ATXN7: variants seen among roughly 807,000 people sequenced by gnomAD.
The protein encoded by ATXN7 is ataxin 7, also known as ataxin-7.
Under a neutral mutation model 70.5 loss-of-function variants are expected in ATXN7, and 12 were observed. The ratio of observed to expected loss-of-function variants is 0.17; its 90% confidence interval spans 0.11 to 0.28. The LOEUF is 0.28. Ranked by LOEUF, ATXN7 falls within the 10% of genes least tolerant of loss-of-function variation. The pLI, the probability that ATXN7 is intolerant of heterozygous loss-of-function variation, is 1.00. For missense variants in ATXN7, 1,256 were observed against 1,131.7 expected, an observed-to-expected ratio of 1.11 and a Z score of -1.58; for synonymous variants, 498 against 448.7, an observed-to-expected ratio of 1.11 and a Z score of -1.39.
chr3:63,863,743 G>A, upstream of ATXN7: 1 of 1,249,676 alleles, frequency 8.0e-7, no homozygotes, highest in Non-Finnish European at 1.0e-6. Context: ...CCGTGCAGCG[G>A]GCGCGTGTGG....
intron 1 of ATXN7, among the ~76,000 whole-genome samples, chr3:63,882,905 TAAA>T (rs1702958857): frequency 1.3e-5 from 2 of 152,170 alleles, no homozygotes; most frequent in Non-Finnish European, 2.9e-5. Flanking sequence ...AGCCAGTACT[TAAA>T]GAGCTCGTGG....
intron 1 of ATXN7, among the ~76,000 whole-genome samples, chr3:63,867,745 T>A (rs897621887): frequency 1.3e-5 from 2 of 151,770 alleles, no homozygotes; most frequent in South Asian, 4.2e-4. Flanking sequence ...AAAAAAATTA[T>A]CTAGGCGTGG....
At chr3:63,883,519 G>A (rs1702980891) in intron 1 of ATXN7, among the ~76,000 whole-genome samples, 3 of 151,338 alleles carry the variant, frequency 2.0e-5, no homozygotes, top group Non-Finnish European at 4.4e-5. Flanking sequence ...TTTGTGTTCA[G>A]CTGATTCATT....
chr3:63,870,744 A>G (rs1377672941), intron 1 of ATXN7, among the ~76,000 whole-genome samples: 1 of 152,166 alleles, frequency 6.6e-6, no homozygotes, highest in Non-Finnish European at 1.5e-5. Flanking sequence ...AGTAATTAAT[A>G]CTGGCCTCTC....
chr3:63,873,400 C>T (rs1032888302), intron 1 of ATXN7, among the ~76,000 whole-genome samples: 1 of 152,132 alleles, frequency 6.6e-6, no homozygotes, highest in Non-Finnish European at 1.5e-5. Context: ...TCTCAGGATA[C>T]AGGAGGGCCA....
At chr3:63,948,796 G>C (rs757819995) in intron 4 of ATXN7, among the ~76,000 whole-genome samples, 2 of 152,108 alleles carry the variant, frequency 1.3e-5, no homozygotes, top group Non-Finnish European at 2.9e-5. Flanking sequence ...CTAGATGTGG[G>C]TGCTGGCCCA....
At chr3:63,920,693 G>A (rs1704479009) in intron 4 of ATXN7, among the ~76,000 whole-genome samples, 1 of 151,892 alleles carries the variant, frequency 6.6e-6, no homozygotes, top group South Asian at 2.1e-4. Context: ...TGAGGGGGAG[G>A]GGAAGTATCT....
chr3:63,912,010 G>C (rs1223176084), intron 2 of ATXN7: 5 of 152,306 alleles, frequency 3.3e-5, no homozygotes, highest in African/African-American at 1.2e-4. Flanking sequence ...GGGGCTTGAC[G>C]TGCAAACTTC....
intron 4 of ATXN7, among the ~76,000 whole-genome samples, chr3:63,925,947 A>G (rs1477267384): frequency 5.3e-5 from 8 of 152,172 alleles, no homozygotes; most frequent in African/African-American, 1.4e-4. Context: ...AAAGATCACT[A>G]TGGTAGCATT....
rs59256288 is a variant in ATXN7 at position 63,952,835 on chromosome 3, C to CTTT, written c.499+381_499+383dup. 2.8e-3 allele frequency among the ~76,000 whole-genome samples: 140 copies of CTTT among 49,156 alleles called. 30 individuals carry two copies. The highest frequency in any genetic ancestry group is 9.4e-3 in the African/African-American group (92 of 9,806). The allele number at this position is 49,156 out of a possible 152,430, so 32.2% of individuals were successfully genotyped here. A position where few individuals can be genotyped will look rare whatever the true frequency, so the allele number is the denominator to read the frequency against. On this transcript the variant is annotated intron_variant, in intron 5 of 12. Coordinates refer to ENST00000674280, the MANE Select transcript of ATXN7 (RefSeq NM_001377405.1). ...ACACTCACAATATGGATGCATGGGC[C>CTTT]TTTTTTTTTTTTTTTTTTTTTTTTT...
intron 2 of ATXN7, among the ~76,000 whole-genome samples, chr3:63,902,972 G>T (rs950452088): frequency 1.3e-4 from 20 of 151,822 alleles, no homozygotes; most frequent in Non-Finnish European, 2.8e-4. Flanking sequence ...TAAGTTTAAA[G>T]AATTAAAGCA....
upstream of ATXN7, chr3:63,863,750 G>A (rs1702304681): frequency 8.0e-6 from 10 of 1,250,704 alleles, no homozygotes; most frequent in Non-Finnish European, 1.0e-5. Context: ...GCGGGCGCGT[G>A]TGGCGGCGAG....
At chr3:63,880,939 C>CA (rs1702889290) in intron 1 of ATXN7, among the ~76,000 whole-genome samples, 1 of 151,898 alleles carries the variant, frequency 6.6e-6, no homozygotes, top group African/African-American at 2.4e-5. Context: ...TAGATACTTG[C>CA]AAAAAAGGGA....
In ATXN7 at chr3:63,863,948, G is replaced by T; in HGVS notation, c.-321G>T. The T allele has an allele frequency of 1.3e-5, 1 of 75,732 alleles. No individual in the cohort carries two copies. Among genetic ancestry groups the T allele is most frequent in the Non-Finnish European group, 2.7e-5 (1 of 36,440 alleles). 4.7% of individuals were successfully genotyped at this position (75,732 alleles called of 1,614,324 possible). ...TGCTCCGACGCCTGAGCCGCGCCGC[G>T]CCGCGCCGCCGCCGCCGCCGCCGCC... On this transcript the variant is annotated 5_prime_UTR_variant, in exon 1 of 13. Coordinates refer to ENST00000674280, the MANE Select transcript of ATXN7 (RefSeq NM_001377405.1).
intron 7 of ATXN7, 126 bp from the exon 8 acceptor site, chr3:63,982,813 A>T (rs2075512602): frequency 1.4e-6 from 1 of 740,146 alleles, no homozygotes; most frequent in Admixed American, 2.5e-5. Flanking sequence ...TTTTTATTTT[A>T]TTGATAATGT....
At chr3:63,951,740 TAAAAC>T (rs1046876435) in intron 4 of ATXN7, among the ~76,000 whole-genome samples, 23 of 152,320 alleles carry the variant, frequency 1.5e-4, no homozygotes, top group African/African-American at 5.3e-4. Flanking sequence ...GTCTTACTGT[TAAAAC>T]AAACAAACAG....
At chr3:63,991,346 A>C (rs1304276376) in intron 11 of ATXN7, among the ~76,000 whole-genome samples, 1 of 131,494 alleles carries the variant, frequency 7.6e-6, no homozygotes, top group African/African-American at 2.9e-5. Context: ...ACTGAGATAC[A>C]GTGTCATGCA....
At chr3:63,980,592 T>C (rs2075469769) in intron 6 of ATXN7, 1 of 186,424 alleles carries the variant, frequency 5.4e-6, no homozygotes, top group South Asian at 1.1e-4. Context: ...TTCTTAGCTG[T>C]AGGGGTTTGG....
intron 11 of ATXN7, among the ~76,000 whole-genome samples, chr3:63,993,216 C>T (rs1402667849): frequency 6.6e-6 from 1 of 151,634 alleles, no homozygotes; most frequent in East Asian, 1.9e-4. Context: ...GATTTGGGAC[C>T]AGTATCCCAT....
Sources: allele counts gnomAD v4.1 joint callset (sites outside exome capture counted in the v4.1 genomes callset), GRCh38; gene constraint gnomAD v4.1.1; transcripts MANE v1.5; gene names NCBI Gene and HGNC (gene_info 2026-07-23, HGNC 2026-07-21).